The following PCDHGA7 variants were observed in gnomAD, a reference collection of about 807,000 sequenced individuals.
The protein encoded by PCDHGA7 is protocadherin gamma-A7.
In PCDHGA7, 44 loss-of-function variants were observed where a neutral mutation model predicts 58.3. The ratio of observed to expected loss-of-function variants is 0.75; its 90% CI spans 0.59 to 0.97. The LOEUF (loss-of-function observed/expected upper bound fraction) is 0.97, where lower values mean the gene tolerates loss of function less well. PCDHGA7 is among the 50% of genes least tolerant of loss of function. PCDHGA7 has a pLI of 0.00. For missense variants in PCDHGA7, 1,266 were observed against 1,188.7 expected (o/e 1.06, Z -0.96); for synonymous variants, 516 against 504.2 (o/e 1.02, Z -0.31).
chr5:141,390,534 A>C (rs2092170785), intron 1 of PCDHGA7: 1 of 525,162 alleles, frequency 1.9e-6, no homozygotes, highest in Non-Finnish European at 3.3e-6. Context: ...TGTGGTTTTA[A>C]CCACAAAGTG....
rs184835272 is a variant in PCDHGA7, at chr5:141,470,234, C to A, written c.2425-24573C>A. ...AACCATTCAGCTTCTTCACCAAACC[C>A]TTGAATGTCCCACCTGTCTAAATGG... On this transcript the variant is annotated intron_variant, in intron 1 of 3. Transcript: ENST00000518325. Among the ~76,000 whole-genome samples, 6 of 152,288 alleles carry A rather than the reference C, an allele frequency of 3.9e-5. No individual in the cohort carries two copies. The East Asian group carries it at 9.6e-4, about 24-fold the overall frequency.
chr5:141,426,085 C>T (rs1315114723), intron 1 of PCDHGA7, among the ~76,000 whole-genome samples: 7 of 152,148 alleles, frequency 4.6e-5, no homozygotes, highest in Non-Finnish European at 8.8e-5. Flanking sequence ...TCTACCAGGA[C>T]GATATTCTGT....
At chr5:141,413,677 G>C (rs539552615) in intron 1 of PCDHGA7, 1 of 1,613,794 alleles carries the variant, frequency 6.2e-7, no homozygotes, top group South Asian at 1.1e-5. Context: ...GGATGTGGGC[G>C]TGAACTCCCT....
intron 1 of PCDHGA7, chr5:141,393,027 A>C (rs868285753): frequency 1.2e-6 from 2 of 1,613,818 alleles, no homozygotes; most frequent in Non-Finnish European, 1.7e-6. Flanking sequence ...CAGAGGTAGG[A>C]CGCAGCTCTT....
At chr5:141,461,009 A>T (rs1407993113) in intron 1 of PCDHGA7, among the ~76,000 whole-genome samples, 1 of 151,542 alleles carries the variant, frequency 6.6e-6, no homozygotes, top group Admixed American at 6.6e-5. Flanking sequence ...GTATATATAT[A>T]TACCACATTT....
intron 1 of PCDHGA7, chr5:141,392,937 G>A: frequency 6.2e-7 from 1 of 1,613,948 alleles, no homozygotes; most frequent in Admixed American, 1.7e-5. Context: ...GACGGACAAA[G>A]GCTCCTTCGT....
chr5:141,490,644 T>C lies in PCDHGA7; in HGVS notation c.2425-4163T>C. The C allele has an allele frequency of 6.2e-7, 1 of 1,614,188 alleles. No homozygotes were observed. Among genetic ancestry groups the C allele is most frequent in the Non-Finnish European group, 8.5e-7 (1 of 1,180,016 alleles). On this transcript the variant is annotated intron_variant, in intron 1 of 3. Coordinates refer to ENST00000518325, the MANE Select transcript of PCDHGA7 (RefSeq NM_018920.4). The surrounding 1 kb of genome is among the most constrained non-coding windows in gnomAD (Gnocchi z 5.4). Reference sequence around the variant, plus strand: ...CTGCTTACATCCTAGAAAACCGGCCTCCGGGCTCCCTTCTTTGCACTGTGG... The same window carrying C: ...CTGCTTACATCCTAGAAAACCGGCCCCCGGGCTCCCTTCTTTGCACTGTGG...
chr5:141,395,022 G>A lies in PCDHGA7; in HGVS notation c.2424+9699G>A, dbSNP rs2093150969. ...CGGTGGCAGATTGGTAGGCGTGCCT[G>A]CCTCACATTTTGTGGGTGTTGAGGA... On this transcript the variant is annotated intron_variant, in intron 1 of 3. Transcript: ENST00000518325. 1 of 1,614,128 alleles carries A rather than the reference G, an allele frequency of 6.2e-7. No homozygotes were observed. The highest frequency in any genetic ancestry group is 1.3e-5 in the African/African-American group (1 of 75,036).
intron 1 of PCDHGA7, among the ~76,000 whole-genome samples, chr5:141,494,547 C>T (rs2099755185): frequency 6.6e-6 from 1 of 152,106 alleles, no homozygotes; most frequent in East Asian, 1.9e-4. Context: ...GAGGAAGGGG[C>T]CATTTCTTTA....
In PCDHGA7 at chr5:141,489,645, C is replaced by T; in HGVS notation, c.2425-5162C>T. 1.2e-6 allele frequency: 2 copies of T among 1,614,156 alleles called. No homozygotes were observed. The highest frequency in any genetic ancestry group is 2.7e-5 in the African/African-American group (2 of 75,022). On this transcript the variant is annotated intron_variant, in intron 1 of 3. Transcript: ENST00000518325. This position sits in a 1 kb window ranked among gnomAD's most constrained non-coding sequence, Gnocchi z 4.5. ...ATGACAACTCTCCTAGCTTTGCCAC[C>T]CCTGAGCGAGAGATGCGCATCTCAG...
Position 141,432,483 on chromosome 5 carries a change from T to C in PCDHGA7, c.2424+47160T>C, listed in dbSNP as rs776090923. The C allele has an allele frequency of 6.2e-7, 1 of 1,614,136 alleles. No homozygotes were observed. The highest frequency in any genetic ancestry group is 1.1e-5 in the South Asian group (1 of 91,078). ...CTCCCCACGGACGGTTCCACTGGCG[T>C]GGAGCTGGCTCCCCGCTCCGCAGAG... On this transcript the variant is annotated intron_variant, in intron 1 of 3. Coordinates refer to ENST00000518325, the MANE Select transcript of PCDHGA7 (RefSeq NM_018920.4). The surrounding 1 kb of genome is among the most constrained non-coding windows in gnomAD (Gnocchi z 6.0).
At position 141,413,783 on chromosome 5, in the gene PCDHGA7, C is replaced by T. The variant is rs1418394305; in HGVS notation, c.2424+28460C>T. 3.7e-6 allele frequency: 6 copies of T among 1,613,096 alleles called. No individual in the cohort carries two copies. Among genetic ancestry groups the T allele is most frequent in the Non-Finnish European group, 4.2e-6 (5 of 1,179,878 alleles). On this transcript the variant is annotated intron_variant, in intron 1 of 3. Coordinates refer to ENST00000518325, the MANE Select transcript of PCDHGA7 (RefSeq NM_018920.4). ...TACCCGGAGCTGGTACTGGAGCACT[C>T]CCTAGATCGCGAGGAAGAGGCCATT...
At chr5:141,472,040 G>T (rs1431219928) in intron 1 of PCDHGA7, among the ~76,000 whole-genome samples, 4 of 152,018 alleles carry the variant, frequency 2.6e-5, no homozygotes, top group Non-Finnish European at 5.9e-5. Flanking sequence ...GCTGTGAAAA[G>T]ATTTTAAAAA....
intron 1 of PCDHGA7, among the ~76,000 whole-genome samples, chr5:141,402,022 T>A (rs1170426258): frequency 6.6e-6 from 1 of 152,210 alleles, no homozygotes; most frequent in East Asian, 1.9e-4. Context: ...TTTGAATCAT[T>A]GAAACACAGT....
At chr5:141,427,938 G>A in intron 1 of PCDHGA7, 1 of 1,584,968 alleles carries the variant, frequency 6.3e-7, no homozygotes, top group South Asian at 1.1e-5. Context: ...GTTGGTGGGC[G>A]ACCTCAATGA....
At chr5:141,492,859 C>G (rs966216924) in intron 1 of PCDHGA7, among the ~76,000 whole-genome samples, 1 of 152,232 alleles carries the variant, frequency 6.6e-6, no homozygotes, top group Non-Finnish European at 1.5e-5. Context: ...CTCGAGCGCC[C>G]TGGCTCTCAA....
At position 141,422,501 on chromosome 5, in the gene PCDHGA7, C is replaced by T. The variant is rs1343881573; in HGVS notation, c.2424+37178C>T. On this transcript the variant is annotated intron_variant, in intron 1 of 3. Coordinates refer to ENST00000518325, the MANE Select transcript of PCDHGA7 (RefSeq NM_018920.4). ...CAGAGCTACAATATAACGTTGACAGCCACAGACCAGGGAAGCCCGCCTTTG... is the reference window on the plus strand; with the variant it reads ...CAGAGCTACAATATAACGTTGACAGTCACAGACCAGGGAAGCCCGCCTTTG... 9.3e-6 allele frequency: 15 copies of T among 1,613,810 alleles called. No individual in the cohort carries two copies. The highest frequency in any genetic ancestry group is 1.3e-5 in the Non-Finnish European group (15 of 1,179,872).
rs375619778 is a variant in PCDHGA7, at chr5:141,399,361, C to G, written c.2424+14038C>G. 11 of 1,613,960 alleles carry G rather than the reference C, an allele frequency of 6.8e-6. No homozygotes were observed. The Admixed American group carries it at 1.8e-4, about 27-fold the overall frequency. On this transcript the variant is annotated intron_variant, in intron 1 of 3. Transcript: ENST00000518325. ...TGGAACCCTAGACCGAGAGCAAACC[C>G]CGGAGTACAATGTCACCATCACAGC...
intron 1 of PCDHGA7, among the ~76,000 whole-genome samples, chr5:141,436,199 A>G (rs576607542): frequency 7.2e-5 from 11 of 152,282 alleles, no homozygotes; most frequent in East Asian, 5.8e-4. Context: ...AAAGAAAGAC[A>G]TAATAGGAAA....
Sources: allele counts gnomAD v4.1 joint callset (sites outside exome capture counted in the v4.1 genomes callset), GRCh38; gene constraint gnomAD v4.1.1; non-coding constraint Gnocchi (gnomAD v3.1); transcripts MANE v1.5; gene names NCBI Gene and HGNC (gene_info 2026-07-23, HGNC 2026-07-21).